Variants in CDH18 observed in about 807,000 individuals in gnomAD.
CDH18 encodes the protein cadherin 18, also known as cadherin-18.
A neutral mutation model predicts 67.9 loss-of-function variants in CDH18; 31 were observed. The observed-to-expected ratio is 0.46, with a 90% CI of 0.34 to 0.62. The LOEUF (loss-of-function observed/expected upper bound fraction) is 0.62. CDH18 is among the 20% of genes least tolerant of loss of function. CDH18 has a pLI of 0.01. For missense variants in CDH18, 890 were observed against 975.5 expected (o/e 0.91, Z 1.17); for synonymous variants, 362 against 347.2 (o/e 1.04, Z -0.48).
intron 2 of CDH18, among the ~76,000 whole-genome samples, chr5:20,088,061 G>A (rs368572379): frequency 6.6e-6 from 1 of 152,128 alleles, no homozygotes; most frequent in Non-Finnish European, 1.5e-5. Context: ...GGAAAGAAAT[G>A]CTACAATTAA....
At chr5:19,514,467 G>T (rs997215095) in intron 10 of CDH18, among the ~76,000 whole-genome samples, 1 of 152,196 alleles carries the variant, frequency 6.6e-6, no homozygotes, top group African/African-American at 2.4e-5. Context: ...CATCAACAGT[G>T]TAAAAGTGTT....
At chr5:19,483,032 A>T (rs948975317) in intron 12 of CDH18, among the ~76,000 whole-genome samples, 12 of 152,230 alleles carry the variant, frequency 7.9e-5, no homozygotes, top group Non-Finnish European at 4.4e-5. Flanking sequence ...GGGATTCTGA[A>T]TATTTTAATA....
At chr5:19,726,684 G>A (rs1766891689) in intron 4 of CDH18, among the ~76,000 whole-genome samples, 1 of 152,110 alleles carries the variant, frequency 6.6e-6, no homozygotes, top group Non-Finnish European at 1.5e-5. Context: ...TTGTTTATTT[G>A]AAATCTAGAT....
intron 3 of CDH18, among the ~76,000 whole-genome samples, chr5:19,792,852 T>C (rs1776504516): frequency 6.6e-6 from 1 of 152,188 alleles, no homozygotes; most frequent in Non-Finnish European, 1.5e-5. Flanking sequence ...AAACTAGCTA[T>C]GGTAGAACTT....
intron 3 of CDH18, among the ~76,000 whole-genome samples, chr5:19,748,436 C>A (rs1770418676): frequency 6.6e-6 from 1 of 152,092 alleles, no homozygotes; most frequent in Non-Finnish European, 1.5e-5. Flanking sequence ...TGCTATAACA[C>A]CAAAATTCAC....
intron 2 of CDH18, among the ~76,000 whole-genome samples, chr5:20,169,275 A>C (rs1321831669): frequency 6.6e-6 from 1 of 152,076 alleles, no homozygotes; most frequent in Non-Finnish European, 1.5e-5. Flanking sequence ...TTATGTACCC[A>C]CCAATATTAA....
At chr5:19,550,122 G>C (rs965717204) in intron 8 of CDH18, among the ~76,000 whole-genome samples, 34 of 151,892 alleles carry the variant, frequency 2.2e-4, no homozygotes, top group African/African-American at 8.2e-4. Flanking sequence ...TTCTGGTATT[G>C]GCTGCTAGAC....
chr5:19,612,474 G>A lies in CDH18; in HGVS notation c.771C>T (p.Thr257=), dbSNP rs753657634. 1.2e-6 allele frequency: 2 copies of A among 1,614,112 alleles called. No individual in the cohort carries two copies. The highest frequency in any genetic ancestry group is 2.7e-5 in the African/African-American group (2 of 75,042). Residue 257 remains threonine, a synonymous_variant, in exon 6 of 13, where the codon ACC becomes ACT. Transcript: ENST00000382275. ...GTGGGTTGTCATTGACATCGGTTAA[G>A]GTGATGTTGACTGTTGTAGATCCTG... is the stretch of plus-strand genomic sequence containing the variant. The part of the protein sequence containing the change: ...GLSGSTTVNI[T]LTDVNDNPPR...
At chr5:20,172,207 T>TAC (rs1220315305) in intron 2 of CDH18, among the ~76,000 whole-genome samples, 10 of 65,818 alleles carry the variant, frequency 1.5e-4, no homozygotes, top group Middle Eastern at 8.3e-3. Context: ...TATATATATA[T>TAC]ATATATATAT....
At chr5:20,074,735 T>TG (rs11482305) in intron 2 of CDH18, among the ~76,000 whole-genome samples, 2,358 of 17,480 alleles carry the variant, frequency 0.13, 30 homozygotes, top group Non-Finnish European at 0.43. Flanking sequence ...TAGTTTGGGG[T>TG]TTTTTTTTTT....
chr5:19,547,882 T>C (rs1387818416), intron 8 of CDH18, among the ~76,000 whole-genome samples: 3 of 152,190 alleles, frequency 2.0e-5, no homozygotes, highest in Non-Finnish European at 4.4e-5. Context: ...TAACCACTTT[T>C]GGCTTTCTGC....
At chr5:20,374,724 A>G (rs1388563714) in intron 1 of CDH18, among the ~76,000 whole-genome samples, 1 of 152,220 alleles carries the variant, frequency 6.6e-6, no homozygotes, top group African/African-American at 2.4e-5. Flanking sequence ...TTAACTTTGA[A>G]TGTTCTTTCA....
chr5:19,975,643 A>C (rs1437826096), intron 2 of CDH18, among the ~76,000 whole-genome samples: 1 of 152,204 alleles, frequency 6.6e-6, no homozygotes, highest in African/African-American at 2.4e-5. Context: ...TAAATTAGAG[A>C]TATAAACACA....
chr5:20,456,847 G>T (rs1213675917), intron 1 of CDH18, among the ~76,000 whole-genome samples: 1 of 152,058 alleles, frequency 6.6e-6, no homozygotes, highest in African/African-American at 2.4e-5. Context: ...AGACAGTGAA[G>T]GAAATGCTGC....
chr5:20,296,768 C>T (rs1437598451), intron 1 of CDH18, among the ~76,000 whole-genome samples: 1 of 151,262 alleles, frequency 6.6e-6, no homozygotes, highest in Non-Finnish European at 1.5e-5. Flanking sequence ...TATTTTGAAC[C>T]TGATATATAA....
intron 1 of CDH18, among the ~76,000 whole-genome samples, chr5:20,291,192 A>T (rs1022915409): frequency 2.0e-5 from 3 of 152,118 alleles, no homozygotes; most frequent in African/African-American, 7.2e-5. Flanking sequence ...GGAAATAGTG[A>T]ATCAAAGAGT....
At chr5:19,859,637 A>T (rs1251391216) in intron 2 of CDH18, among the ~76,000 whole-genome samples, 4 of 152,164 alleles carry the variant, frequency 2.6e-5, no homozygotes, top group Non-Finnish European at 5.9e-5. Flanking sequence ...AGGTCTTCAC[A>T]TAATAACTCT....
intron 2 of CDH18, among the ~76,000 whole-genome samples, chr5:19,862,893 CAGG>C (rs1244838340): frequency 6.6e-6 from 1 of 151,346 alleles, no homozygotes; most frequent in East Asian, 1.9e-4. Context: ...GCATAGTTGC[CAGG>C]AGAAGGGGGT....
chr5:20,232,141 T>C (rs535153091), intron 2 of CDH18, among the ~76,000 whole-genome samples: 2 of 152,050 alleles, frequency 1.3e-5, no homozygotes, highest in African/African-American at 2.4e-5. Context: ...CTCACATTTT[T>C]GTTTTAGCTT....
Sources: allele counts gnomAD v4.1 joint callset (sites outside exome capture counted in the v4.1 genomes callset), GRCh38; gene constraint gnomAD v4.1.1; transcripts MANE v1.5; gene names NCBI Gene and HGNC (gene_info 2026-07-23, HGNC 2026-07-21).